Variants in GRAMD2B observed in about 807,000 individuals in gnomAD.
The protein encoded by GRAMD2B is GRAM domain-containing protein 2B.
In GRAMD2B, 41 loss-of-function variants were observed where a neutral mutation model predicts 59.2. The ratio of observed to expected loss-of-function variants is 0.69; its 90% CI spans 0.54 to 0.90. The LOEUF (loss-of-function observed/expected upper bound fraction) is 0.90. GRAMD2B is among the 40% of genes least tolerant of loss of function. The pLI, the probability that GRAMD2B is intolerant of heterozygous loss-of-function variation, is 0.00. For missense variants in GRAMD2B, 424 were observed against 500.5 expected, an observed-to-expected ratio of 0.85 and a Z score of 1.46; for synonymous variants, 161 against 182.7, an observed-to-expected ratio of 0.88 and a Z score of 0.96.
chr5:126,453,985 T>C (rs1403155088), intron 1 of GRAMD2B, among the ~76,000 whole-genome samples: 3 of 152,218 alleles, frequency 2.0e-5, no homozygotes, highest in African/African-American at 7.2e-5. Context: ...AATAAAGAGA[T>C]GGAAGTCAGT....
chr5:126,398,015 G>A (rs2149734342), intron 1 of GRAMD2B, among the ~76,000 whole-genome samples: 1 of 139,514 alleles, frequency 7.2e-6, no homozygotes, highest in East Asian at 2.1e-4. Flanking sequence ...TCGTTGTTGG[G>A]AGATTTTTTT....
chr5:126,386,495 G>A (rs1328123148), intron 1 of GRAMD2B, among the ~76,000 whole-genome samples: 1 of 152,156 alleles, frequency 6.6e-6, no homozygotes. Context: ...GAAGTAAATT[G>A]GCTAGGTAGC....
chr5:126,477,093 C>G (rs968298557), intron 5 of GRAMD2B, among the ~76,000 whole-genome samples: 2 of 152,154 alleles, frequency 1.3e-5, no homozygotes, highest in African/African-American at 4.8e-5. Flanking sequence ...CATTCCTAAT[C>G]CAAAAATCCA....
At chr5:126,487,335 T>G (rs1373945969) in intron 12 of GRAMD2B, among the ~76,000 whole-genome samples, 4 of 152,160 alleles carry the variant, frequency 2.6e-5, no homozygotes, top group Non-Finnish European at 5.9e-5. Context: ...AAAGAAGCAA[T>G]TCAAGAAACT....
chr5:126,484,321 G>C (rs1325634705), intron 9 of GRAMD2B, 81 bp from the exon 10 acceptor site: 1 of 1,476,374 alleles, frequency 6.8e-7, no homozygotes, highest in African/African-American at 1.4e-5. Flanking sequence ...TGCATGTTAA[G>C]GGATTGATTT....
chr5:126,467,110 T>C (rs10074625), intron 2 of GRAMD2B, among the ~76,000 whole-genome samples: 34,134 of 151,948 alleles, frequency 0.22, 4,220 homozygotes, highest in Non-Finnish European at 0.28. Context: ...GCTAACATGG[T>C]GAAACCCCAT....
Position 126,465,407 on chromosome 5 carries a change from G to A in GRAMD2B, c.84-19G>A, listed in dbSNP as rs369939611. 174 of 1,613,770 alleles carry A rather than the reference G, an allele frequency of 1.1e-4. 1 individual carries two copies. The South Asian group carries it at 1.1e-3, about 10-fold the overall frequency. ...TCTCTCTGAATGTCTAAAGTGAAGC[G>A]GTTTCCTTTCTTCTTCAGCTCAGAG... On this transcript the variant is annotated intron_variant, in intron 1 of 13. Transcript: ENST00000285689.
intron 1 of GRAMD2B, among the ~76,000 whole-genome samples, chr5:126,363,916 A>G (rs1754329455): frequency 6.6e-6 from 1 of 152,188 alleles, no homozygotes; most frequent in African/African-American, 2.4e-5. Flanking sequence ...TGGTTGCACA[A>G]TTCTGTAAAT....
Position 126,465,420 on chromosome 5 carries a change from C to T in GRAMD2B, c.84-6C>T. The T allele has an allele frequency of 6.2e-7, 1 of 1,614,112 alleles. No homozygotes were observed. Among genetic ancestry groups the T allele is most frequent in the Non-Finnish European group, 8.5e-7 (1 of 1,180,000 alleles). On this transcript the variant is annotated splice_polypyrimidine_tract_variant and splice_region_variant and intron_variant, in intron 1 of 13. Transcript: ENST00000285689. ...CTAAAGTGAAGCGGTTTCCTTTCTT[C>T]TTCAGCTCAGAGGCTGAGAATGGTG...
intron 9 of GRAMD2B, 102 bp from the exon 10 acceptor site, chr5:126,484,300 C>A: frequency 7.4e-7 from 1 of 1,358,282 alleles, no homozygotes; most frequent in Non-Finnish European, 1.0e-6. Flanking sequence ...CATTCACATT[C>A]TTGACCATTA....
chr5:126,422,915 AC>A (rs28372817), upstream of GRAMD2B, among the ~76,000 whole-genome samples: 10 of 141,276 alleles, frequency 7.1e-5, no homozygotes, highest in South Asian at 2.3e-4. Flanking sequence ...CCCTCTAACC[AC>A]CCCCCCCACC....
chr5:126,412,694 T>A (rs1380107850), intron 1 of GRAMD2B, among the ~76,000 whole-genome samples: 5 of 152,114 alleles, frequency 3.3e-5, no homozygotes, highest in Non-Finnish European at 5.9e-5. Context: ...GTACCAGCTC[T>A]TCGTTGTATT....
At chr5:126,374,558 TTTA>T (rs1755028673) in intron 1 of GRAMD2B, among the ~76,000 whole-genome samples, 1 of 152,204 alleles carries the variant, frequency 6.6e-6, no homozygotes, top group East Asian at 1.9e-4. Context: ...AATTTGTTAG[TTTA>T]TTAATTATTT....
intron 1 of GRAMD2B, among the ~76,000 whole-genome samples, chr5:126,439,913 C>T (rs568826244): frequency 2.6e-5 from 4 of 152,246 alleles, no homozygotes; most frequent in Admixed American, 6.5e-5. Context: ...CCCCTGCACA[C>T]GCTCTCTTGT....
In GRAMD2B at chr5:126,384,531, A is replaced by G. The variant is rs73332449; in HGVS notation, c.125+12964A>G. The stretch of plus-strand genomic sequence containing the variant: ...GGGCAGGGTAATATTCCATGAGGAG[A>G]TCTCACTTCAAACATGCTCCTGTTT... On this transcript the variant is annotated intron_variant, in intron 1 of 8. Transcript: ENST00000506445. 4.2e-3 allele frequency among the ~76,000 whole-genome samples: 643 copies of G among 152,338 alleles called. 3 individuals are homozygous for G. Among genetic ancestry groups the G allele is most frequent in the African/African-American group, 0.014 (599 of 41,588 alleles).
chr5:126,420,024 C>T (rs1244811796), upstream of GRAMD2B, among the ~76,000 whole-genome samples: 3 of 132,994 alleles, frequency 2.3e-5, no homozygotes, highest in African/African-American at 8.7e-5. Context: ...CACTGCACTC[C>T]AGCCTGGGCA....
At chr5:126,418,794 GTTC>G (rs1759471953), upstream of GRAMD2B, among the ~76,000 whole-genome samples, 1 of 152,164 alleles carries the variant, frequency 6.6e-6, no homozygotes, top group Non-Finnish European at 1.5e-5. Context: ...TTAGAATTAA[GTTC>G]TTAATTGTCA....
At chr5:126,444,410 T>C (rs1413823450) in intron 1 of GRAMD2B, among the ~76,000 whole-genome samples, 1 of 152,224 alleles carries the variant, frequency 6.6e-6, no homozygotes, top group Non-Finnish European at 1.5e-5. Flanking sequence ...GTAAAAGCCA[T>C]TTTTTATGAA....
intron 1 of GRAMD2B, among the ~76,000 whole-genome samples, chr5:126,375,465 G>A (rs1016880142): frequency 6.6e-6 from 1 of 151,846 alleles, no homozygotes; most frequent in African/African-American, 2.4e-5. Context: ...GCCTTCCTGG[G>A]TTCACACCAT....
Sources: gnomAD v4.1 joint callset for allele counts (sites outside exome capture counted in the v4.1 genomes callset) on GRCh38, gnomAD v4.1.1 for gene constraint, MANE v1.5 for transcripts, NCBI Gene and HGNC (gene_info 2026-07-23, HGNC 2026-07-21) for gene names.